NTNG1: variants seen among roughly 807,000 people sequenced by gnomAD.
The protein encoded by NTNG1 is netrin-G1.
Under a neutral mutation model 54.0 loss-of-function variants are expected in NTNG1, and 16 were observed. That is an observed-to-expected ratio of 0.30 (90% CI 0.20 to 0.45). The LOEUF (loss-of-function observed/expected upper bound fraction) is 0.45, where lower values mean the gene tolerates loss of function less well. Ranked by LOEUF, NTNG1 falls within the 20% of genes least tolerant of loss-of-function variation. NTNG1 has a pLI of 1.00. For synonymous variants in NTNG1, 255 were observed against 263.1 expected, an observed-to-expected ratio of 0.97 and a Z score of 0.30; for missense variants, 530 against 678.7, an observed-to-expected ratio of 0.78 and a Z score of 2.43.
At chr1:107,155,728 G>A (rs1399900262) in intron 2 of NTNG1, among the ~76,000 whole-genome samples, 1 of 152,070 alleles carries the variant, frequency 6.6e-6, no homozygotes, top group Non-Finnish European at 1.5e-5. Context: ...CATACTCCAA[G>A]GCAGCAAATA....
chr1:107,170,995 G>A (rs1656185460), intron 2 of NTNG1, among the ~76,000 whole-genome samples: 1 of 152,024 alleles, frequency 6.6e-6, no homozygotes, highest in Admixed American at 6.6e-5. Flanking sequence ...ATTTTAATAA[G>A]ACAAAATTTT....
At chr1:107,465,239 G>GA (rs920823451) in intron 7 of NTNG1, among the ~76,000 whole-genome samples, 2 of 151,700 alleles carry the variant, frequency 1.3e-5, no homozygotes, top group Non-Finnish European at 2.9e-5. Context: ...TTAGGTGCCA[G>GA]AAAAAAAATG....
chr1:107,322,768 A>T lies in NTNG1; in HGVS notation c.247-1514A>T, dbSNP rs1341764594. On this transcript the variant is annotated intron_variant, in intron 2 of 7. Coordinates refer to ENST00000370068, the MANE Select transcript of NTNG1 (RefSeq NM_001113226.3). ...AGAGAAGTACAGAAACATTTTCATT[A>T]TCACTGATTCCTTGAGTGTATTTTT... 3.9e-5 allele frequency among the ~76,000 whole-genome samples: 6 copies of T among 152,210 alleles called. No homozygotes were observed. In the East Asian group the frequency reaches 7.7e-4, roughly 20 times the overall value.
intron 2 of NTNG1, among the ~76,000 whole-genome samples, chr1:107,159,211 A>G (rs1197732071): frequency 1.3e-5 from 2 of 152,264 alleles, no homozygotes; most frequent in African/African-American, 4.8e-5. Flanking sequence ...GGGCCACTCC[A>G]TATGGGTTTT....
At chr1:107,372,568 T>C (rs185837462) in intron 3 of NTNG1, among the ~76,000 whole-genome samples, 1 of 152,200 alleles carries the variant, frequency 6.6e-6, no homozygotes, top group East Asian at 1.9e-4. Context: ...TTTCAACTTA[T>C]TTTATGGCTT....
chr1:107,358,747 A>G (rs989204552), intron 3 of NTNG1, among the ~76,000 whole-genome samples: 2 of 152,158 alleles, frequency 1.3e-5, no homozygotes, highest in African/African-American at 2.4e-5. Context: ...CAATTTGAGC[A>G]TATTTTTACC....
At chr1:107,454,549 A>T (rs1265931706) in intron 7 of NTNG1, among the ~76,000 whole-genome samples, 1 of 152,072 alleles carries the variant, frequency 6.6e-6, no homozygotes, top group Admixed American at 6.6e-5. Flanking sequence ...TTTTTACCAA[A>T]AAAAAAAAAT....
chr1:107,227,524 T>A (rs1429445892), intron 2 of NTNG1, among the ~76,000 whole-genome samples: 1 of 152,108 alleles, frequency 6.6e-6, no homozygotes, highest in Admixed American at 6.6e-5. Context: ...CCTCGGTTGG[T>A]CCCTTGAGCA....
chr1:107,171,336 C>T (rs931385801), intron 2 of NTNG1, among the ~76,000 whole-genome samples: 1 of 152,056 alleles, frequency 6.6e-6, no homozygotes, highest in East Asian at 1.9e-4. Context: ...TGCTCATTTT[C>T]CATGTCCATT....
chr1:107,410,766 A>G (rs1354245584), intron 5 of NTNG1, among the ~76,000 whole-genome samples: 2 of 152,178 alleles, frequency 1.3e-5, no homozygotes, highest in Non-Finnish European at 2.9e-5. Flanking sequence ...TGTTCAAGTG[A>G]TAAACTGATC....
intron 2 of NTNG1, among the ~76,000 whole-genome samples, chr1:107,246,152 T>C (rs998538695): frequency 1.1e-4 from 17 of 152,152 alleles, no homozygotes; most frequent in Admixed American, 2.0e-4. Flanking sequence ...CCTGGGTTCA[T>C]GCCATTCTCC....
intron 7 of NTNG1, among the ~76,000 whole-genome samples, chr1:107,448,188 A>G (rs2101466694): frequency 6.6e-6 from 1 of 152,168 alleles, no homozygotes; most frequent in South Asian, 2.1e-4. Flanking sequence ...CTGAGCAGGA[A>G]CCTTAACAAT....
chr1:107,194,855 C>T (rs1005103572), intron 2 of NTNG1, among the ~76,000 whole-genome samples: 1 of 151,906 alleles, frequency 6.6e-6, no homozygotes, highest in African/African-American at 2.4e-5. Context: ...TGGCGATCAA[C>T]TAGAATATGG....
intron 2 of NTNG1, among the ~76,000 whole-genome samples, chr1:107,244,256 A>T (rs1486584336): frequency 3.3e-5 from 5 of 152,250 alleles, no homozygotes; most frequent in Non-Finnish European, 7.3e-5. Context: ...CAAAGTACTA[A>T]TAAAATAGAT....
At chr1:107,333,488 A>G (rs1012101740) in intron 3 of NTNG1, among the ~76,000 whole-genome samples, 1 of 152,128 alleles carries the variant, frequency 6.6e-6, no homozygotes, top group Non-Finnish European at 1.5e-5. Context: ...GTAAAGAAAC[A>G]TTTCTATTTT....
chr1:107,268,055 C>T (rs1318320225), intron 2 of NTNG1, among the ~76,000 whole-genome samples: 3 of 152,214 alleles, frequency 2.0e-5, no homozygotes, highest in Non-Finnish European at 4.4e-5. Context: ...AGATATTCTT[C>T]TCCTTTTCTC....
chr1:107,321,948 T>C (rs1667682125), intron 2 of NTNG1, among the ~76,000 whole-genome samples: 1 of 152,112 alleles, frequency 6.6e-6, no homozygotes, highest in African/African-American at 2.4e-5. Context: ...AACACCTCTG[T>C]GCCTCAATTT....
intron 3 of NTNG1, among the ~76,000 whole-genome samples, chr1:107,386,216 C>G (rs1351890766): frequency 6.8e-6 from 1 of 147,392 alleles, no homozygotes; most frequent in Admixed American, 6.9e-5. Context: ...GTTGCCCAGA[C>G]TGGAGTTCAA....
intron 3 of NTNG1, among the ~76,000 whole-genome samples, chr1:107,361,143 T>A (rs992368538): frequency 6.9e-6 from 1 of 145,368 alleles, no homozygotes; most frequent in African/African-American, 2.5e-5. Context: ...TTATATTATA[T>A]ATTATATATT....
Sources: allele counts gnomAD v4.1 joint callset (sites outside exome capture counted in the v4.1 genomes callset), GRCh38; gene constraint gnomAD v4.1.1; transcripts MANE v1.5; gene names NCBI Gene and HGNC (gene_info 2026-07-23, HGNC 2026-07-21).